CSMD1: variants seen among roughly 807,000 people sequenced by gnomAD.
The protein encoded by CSMD1 is CUB and Sushi multiple domains 1, also known as CUB and sushi domain-containing protein 1.
Under a neutral mutation model 417.5 loss-of-function variants are expected in CSMD1, and 213 were observed. The observed-to-expected ratio is 0.51, with a 90% confidence interval of 0.46 to 0.57. The LOEUF (loss-of-function observed/expected upper bound fraction) is 0.57, where lower values mean the gene tolerates loss of function less well. Among genes scored for constraint, CSMD1 ranks in the 20% least tolerant of loss-of-function variants. CSMD1 has a pLI of 0.00. For synonymous variants in CSMD1, 2,862 were observed against 1,736.8 expected, an observed-to-expected ratio of 1.65 and a Z score of -16.11; for missense variants, 6,923 against 4,529.7, an observed-to-expected ratio of 1.53 and a Z score of -15.17.
At chr8:4,655,208 C>T (rs528261237) in intron 1 of CSMD1, among the ~76,000 whole-genome samples, 32 of 152,108 alleles carry the variant, frequency 2.1e-4, no homozygotes, top group Admixed American at 1.6e-3. Context: ...TCATGAACTT[C>T]GTTTCCTTCT....
At chr8:3,401,155 T>C (rs1409019426) in intron 15 of CSMD1, among the ~76,000 whole-genome samples, 1 of 151,930 alleles carries the variant, frequency 6.6e-6, no homozygotes, top group East Asian at 1.9e-4. Flanking sequence ...TATTTTGTCA[T>C]GTTTAACCAT....
chr8:3,615,611 C>G (rs560963075), intron 8 of CSMD1, among the ~76,000 whole-genome samples: 11 of 152,194 alleles, frequency 7.2e-5, no homozygotes, highest in Non-Finnish European at 1.6e-4. Flanking sequence ...AGACACACTA[C>G]AGTTTTCTTA....
intron 5 of CSMD1, among the ~76,000 whole-genome samples, chr8:3,845,178 C>T (rs112517040): frequency 1.3e-5 from 2 of 152,160 alleles, no homozygotes; most frequent in Non-Finnish European, 2.9e-5. Context: ...AATTAGAAAA[C>T]ACATACCGTT....
At chr8:3,307,889 T>A in intron 24 of CSMD1, 68 bp from the exon 25 acceptor site, 2 of 1,555,428 alleles carry the variant, frequency 1.3e-6, no homozygotes, top group South Asian at 1.2e-5. Context: ...TAGCTACTTT[T>A]CAAAACCAAA....
chr8:4,465,967 G>C (rs1277007444), intron 2 of CSMD1, among the ~76,000 whole-genome samples: 2 of 152,200 alleles, frequency 1.3e-5, no homozygotes, highest in African/African-American at 4.8e-5. Flanking sequence ...CCTTGTGGGA[G>C]AGACAAGGAC....
chr8:4,922,554 T>C (rs1346377810), intron 1 of CSMD1, among the ~76,000 whole-genome samples: 1 of 152,220 alleles, frequency 6.6e-6, no homozygotes, highest in African/African-American at 2.4e-5. Context: ...AGTTTTTAAG[T>C]GCACATATTA....
At chr8:4,742,546 A>G (rs1015816696) in intron 1 of CSMD1, among the ~76,000 whole-genome samples, 1 of 152,082 alleles carries the variant, frequency 6.6e-6, no homozygotes, top group African/African-American at 2.4e-5. Flanking sequence ...TTTAAATTAA[A>G]AATCTGAGCA....
At chr8:3,217,953 TAA>T (rs146552607) in intron 29 of CSMD1, among the ~76,000 whole-genome samples, 1,821 of 152,346 alleles carry the variant, frequency 0.012, 41 homozygotes, top group African/African-American at 0.042. Flanking sequence ...GATATTTTGT[TAA>T]GTCCTCTTCC....
intron 2 of CSMD1, among the ~76,000 whole-genome samples, chr8:4,511,185 T>G (rs932352624): frequency 6.6e-6 from 1 of 152,102 alleles, no homozygotes; most frequent in Non-Finnish European, 1.5e-5. Flanking sequence ...AAGCCTGCAA[T>G]AGTCATCAGT....
At chr8:4,128,973 A>G (rs1647344) in intron 3 of CSMD1, among the ~76,000 whole-genome samples, 150,447 of 151,326 alleles carry the variant, frequency 0.99, 74,794 homozygotes, top group Middle Eastern at 1. Context: ...CTACTTGGGA[A>G]GCTGAGGCAG....
intron 10 of CSMD1, among the ~76,000 whole-genome samples, chr8:3,501,321 T>A (rs1346294183): frequency 6.6e-6 from 1 of 152,244 alleles, no homozygotes; most frequent in East Asian, 1.9e-4. Context: ...CATCATTGGG[T>A]TTCTTCCTTG....
chr8:4,216,502 C>T (rs761158442), intron 3 of CSMD1, among the ~76,000 whole-genome samples: 1 of 152,114 alleles, frequency 6.6e-6, no homozygotes, highest in Non-Finnish European at 1.5e-5. Context: ...AGAATTAGTG[C>T]TTATTCAGTA....
intron 29 of CSMD1, among the ~76,000 whole-genome samples, chr8:3,215,675 G>T (rs1417498198): frequency 6.6e-6 from 1 of 152,028 alleles, no homozygotes; most frequent in African/African-American, 2.4e-5. Flanking sequence ...TTATCTTCTG[G>T]TAGCCTTAAT....
intron 3 of CSMD1, among the ~76,000 whole-genome samples, chr8:4,276,188 A>T (rs1045607641): frequency 6.6e-6 from 1 of 152,210 alleles, no homozygotes; most frequent in Admixed American, 6.5e-5. Flanking sequence ...TTATTGCAGC[A>T]CTGTTCACAA....
intron 7 of CSMD1, among the ~76,000 whole-genome samples, chr8:3,641,857 G>A (rs764139666): frequency 6.6e-6 from 1 of 152,144 alleles, no homozygotes; most frequent in African/African-American, 2.4e-5. Context: ...CCTATTATTG[G>A]TACAGCTAAC....
Position 4,357,652 on chromosome 8 carries a change from T to A in CSMD1, c.415+62301A>T, listed in dbSNP as rs80064680. ...AAATACAATATCTACAGGTTTCCTA[T>A]AACTTTAAAGTTTTCTTCATGGTAG... On this transcript the variant is annotated intron_variant, in intron 3 of 69. Transcript: ENST00000635120. Among the ~76,000 whole-genome samples, 736 of 152,192 alleles carry A rather than the reference T, an allele frequency of 4.8e-3. 7 individuals carry two copies. The highest frequency in any genetic ancestry group is 0.016 in the African/African-American group (675 of 41,478).
intron 3 of CSMD1, among the ~76,000 whole-genome samples, chr8:4,184,757 C>A (rs946373784): frequency 1.6e-5 from 2 of 125,624 alleles, no homozygotes; most frequent in African/African-American, 3.0e-5. Context: ...GGCTTAATAC[C>A]TGGGTGATGA....
At chr8:4,818,783 G>T (rs963889561) in intron 1 of CSMD1, among the ~76,000 whole-genome samples, 2 of 152,152 alleles carry the variant, frequency 1.3e-5, no homozygotes, top group African/African-American at 4.8e-5. Flanking sequence ...TTGGTACTTT[G>T]TAAAACAAAA....
chr8:4,732,004 G>A (rs374719747), intron 1 of CSMD1, among the ~76,000 whole-genome samples: 6 of 152,096 alleles, frequency 3.9e-5, no homozygotes, highest in East Asian at 3.9e-4. Flanking sequence ...GAGAAAAAAC[G>A]AGAAGACTGA....
Sources: gnomAD v4.1 joint callset for allele counts (sites outside exome capture counted in the v4.1 genomes callset) on GRCh38, gnomAD v4.1.1 for gene constraint, MANE v1.5 for transcripts, NCBI Gene and HGNC (gene_info 2026-07-23, HGNC 2026-07-21) for gene names.